ASS1: variants seen among roughly 807,000 people sequenced by gnomAD.
The protein encoded by ASS1 is argininosuccinate synthase 1.
A neutral mutation model predicts 60.5 loss-of-function variants in ASS1; 58 were observed. The ratio of observed to expected loss-of-function variants is 0.96; its 90% confidence interval spans 0.78 to 1.19. The LOEUF (loss-of-function observed/expected upper bound fraction) is 1.19, where lower values mean the gene tolerates loss of function less well. Ranked by LOEUF, ASS1 falls within the 50% of genes most tolerant of loss-of-function variation. ASS1 has a pLI of 0.00. For missense variants in ASS1, 454 were observed against 547.3 expected, an observed-to-expected ratio of 0.83 and a Z score of 1.70; for synonymous variants, 200 against 206.9, an observed-to-expected ratio of 0.97 and a Z score of 0.29.
At chr9:130,466,569 A>G in intron 5 of ASS1, 156 bp from the exon 6 acceptor site, 7 of 720,818 alleles carry the variant, frequency 9.7e-6, no homozygotes, top group South Asian at 3.2e-5. Flanking sequence ...CCCCTCCTTC[A>G]TGGGGCTCCC....
At chr9:130,482,513 T>C (rs1283672021) in intron 11 of ASS1, among the ~76,000 whole-genome samples, 1 of 149,038 alleles carries the variant, frequency 6.7e-6, no homozygotes, top group Non-Finnish European at 1.5e-5. Flanking sequence ...GTGATGAAAG[T>C]GTATTGCCTT....
chr9:130,445,971 C>G (rs1845184732), intron 1 of ASS1, among the ~76,000 whole-genome samples: 1 of 152,194 alleles, frequency 6.6e-6, no homozygotes, highest in African/African-American at 2.4e-5. Context: ...GCTGGTGAGG[C>G]CTTGGCTCAG....
chr9:130,454,805 T>C (rs778287062), intron 3 of ASS1, among the ~76,000 whole-genome samples: 29 of 143,312 alleles, frequency 2.0e-4, no homozygotes, highest in Non-Finnish European at 3.7e-4. Context: ...CATCCATCCA[T>C]CCATCACCCA....
chr9:130,448,596 C>T (rs774186706), intron 1 of ASS1, among the ~76,000 whole-genome samples: 1 of 152,182 alleles, frequency 6.6e-6, no homozygotes, highest in Non-Finnish European at 1.5e-5. Flanking sequence ...CAGAGTTTCA[C>T]TCTGTCACCC....
At chr9:130,480,304 C>T (rs1455225643) in intron 10 of ASS1, 81 bp from the exon 11 acceptor site, 1 of 1,502,812 alleles carries the variant, frequency 6.7e-7, no homozygotes, top group Non-Finnish European at 9.3e-7. Context: ...AAGCTGTGCC[C>T]ACCCTGGGAC....
At chr9:130,467,178 C>T (rs908983557) in intron 6 of ASS1, among the ~76,000 whole-genome samples, 1 of 151,836 alleles carries the variant, frequency 6.6e-6, no homozygotes, top group Non-Finnish European at 1.5e-5. Flanking sequence ...ATGTGATGGC[C>T]GGCCGGGGGG....
At chr9:130,466,612 C>T (rs2131882382) in intron 5 of ASS1, 113 bp from the exon 6 acceptor site, 1 of 966,814 alleles carries the variant, frequency 1.0e-6, no homozygotes, top group East Asian at 2.5e-5. Flanking sequence ...TCTCTGGGGA[C>T]ATGCTGGAGA....
intron 5 of ASS1, among the ~76,000 whole-genome samples, chr9:130,464,757 T>G (rs907239526): frequency 3.3e-5 from 5 of 152,036 alleles, no homozygotes; most frequent in East Asian, 1.9e-4. Context: ...AGACTGCTAC[T>G]ACCATCCCCA....
intron 13 of ASS1, among the ~76,000 whole-genome samples, chr9:130,497,841 G>A (rs1369660587): frequency 6.6e-6 from 1 of 152,234 alleles, no homozygotes; most frequent in Non-Finnish European, 1.5e-5. Flanking sequence ...AACAAGGTCT[G>A]TTGAAGGGAT....
intron 2 of ASS1, among the ~76,000 whole-genome samples, chr9:130,453,243 G>A (rs1257194431): frequency 1.3e-5 from 2 of 152,258 alleles, no homozygotes; most frequent in African/African-American, 4.8e-5. Flanking sequence ...CTTGGGCCAT[G>A]AGCCTACTCC....
chr9:130,480,483 C>T (rs370552469), intron 11 of ASS1, 34 bp downstream of exon 11: 72 of 1,609,056 alleles, frequency 4.5e-5, no homozygotes, highest in Admixed American at 1.0e-4. Context: ...GGGCCTGCCT[C>T]GGGACCCAGC....
rs764108861 is a variant in ASS1 at position 130,470,978 on chromosome 9, C to T, written c.566+74C>T. On this transcript the variant is annotated intron_variant, in intron 7 of 14. Coordinates refer to ENST00000352480, the MANE Select transcript of ASS1 (RefSeq NM_054012.4). The surrounding 1 kb of genome is among the most constrained non-coding windows in gnomAD (Gnocchi z 4.3). ...AGGACGGCCACGCGCTGCCCCAGGA[C>T]GTCCTGGTGACCCCCACACCAGTGG... The T allele has an allele frequency of 4.7e-5, 72 of 1,539,744 alleles. No individual in the cohort carries two copies. Among genetic ancestry groups the T allele is most frequent in the South Asian group, 8.9e-5 (8 of 89,518 alleles).
At chr9:130,475,457 C>T (rs1396219052) in intron 8 of ASS1, among the ~76,000 whole-genome samples, 3 of 152,206 alleles carry the variant, frequency 2.0e-5, no homozygotes, top group African/African-American at 7.2e-5. Context: ...TTCCCCAAGG[C>T]CCCCCAGCCT....
At chr9:130,462,649 G>A (rs1299566568) in intron 4 of ASS1, among the ~76,000 whole-genome samples, 1 of 152,188 alleles carries the variant, frequency 6.6e-6, no homozygotes, top group Admixed American at 6.5e-5. Flanking sequence ...AAATAGCTGG[G>A]CCATGCAACG....
chr9:130,458,153 C>T (rs1328517919), intron 3 of ASS1, among the ~76,000 whole-genome samples: 4 of 131,136 alleles, frequency 3.1e-5, no homozygotes, highest in East Asian at 2.2e-4. Context: ...AGCAAGACTT[C>T]GACTCAAAAA....
chr9:130,454,462 C>G (rs1043253546), intron 3 of ASS1, 89 bp downstream of exon 3: 4 of 1,324,060 alleles, frequency 3.0e-6, no homozygotes, highest in Non-Finnish European at 4.3e-6. Context: ...GGATCCCATC[C>G]CTTCCAGTGT....
intron 13 of ASS1, among the ~76,000 whole-genome samples, chr9:130,497,799 A>C (rs1846641412): frequency 6.6e-6 from 1 of 152,182 alleles, no homozygotes; most frequent in Admixed American, 6.5e-5. Flanking sequence ...GGCTGAGTAT[A>C]GGGGCCAGTG....
intron 13 of ASS1, among the ~76,000 whole-genome samples, chr9:130,498,503 T>G (rs931873257): frequency 1.6e-4 from 24 of 152,344 alleles, no homozygotes; most frequent in African/African-American, 5.5e-4. Context: ...CCACTCTTGC[T>G]CTTCCTTCCT....
At chr9:130,480,697 TG>T (rs1846149688) in intron 11 of ASS1, among the ~76,000 whole-genome samples, 1 of 152,032 alleles carries the variant, frequency 6.6e-6, no homozygotes, top group Non-Finnish European at 1.5e-5. Context: ...CAGGAGGGCC[TG>T]GGGAGTCTCC....
Sources: allele counts gnomAD v4.1 joint callset (sites outside exome capture counted in the v4.1 genomes callset), GRCh38; gene constraint gnomAD v4.1.1; non-coding constraint Gnocchi (gnomAD v3.1); transcripts MANE v1.5; gene names NCBI Gene and HGNC (gene_info 2026-07-23, HGNC 2026-07-21).